The following SLC9A9 variants were observed in gnomAD, a reference collection of about 807,000 sequenced individuals.
The protein encoded by SLC9A9 is solute carrier family 9 member A9.
In SLC9A9, 62 loss-of-function variants were observed where a neutral mutation model predicts 77.8. That is an observed-to-expected ratio of 0.80 (90% CI 0.65 to 0.98). The LOEUF (loss-of-function observed/expected upper bound fraction) is 0.98. Ranked by LOEUF, SLC9A9 falls within the 50% of genes least tolerant of loss-of-function variation. The pLI is 0.00. For missense variants in SLC9A9, 775 were observed against 774.9 expected (o/e 1.00, Z 0.00); for synonymous variants, 320 against 283.5 (o/e 1.13, Z -1.29).
intron 12 of SLC9A9, among the ~76,000 whole-genome samples, chr3:143,442,762 C>T (rs182536619): frequency 3.7e-4 from 57 of 152,178 alleles, no homozygotes; most frequent in Non-Finnish European, 2.4e-4. Context: ...TGCAAGTAAG[C>T]GTTATTAGCA....
At chr3:143,737,771 G>GA (rs1934978966) in intron 4 of SLC9A9, among the ~76,000 whole-genome samples, 1 of 152,056 alleles carries the variant, frequency 6.6e-6, no homozygotes, top group Admixed American at 6.5e-5. Flanking sequence ...TGTTATGGTA[G>GA]AAAATTCAAA....
chr3:143,782,158 CAATT>C (rs933468990), intron 4 of SLC9A9, among the ~76,000 whole-genome samples: 25 of 152,188 alleles, frequency 1.6e-4, no homozygotes, highest in Admixed American at 7.9e-4. Flanking sequence ...ATGAATTATA[CAATT>C]AATTCATTTG....
At chr3:143,292,771 A>G (rs916588023) in intron 14 of SLC9A9, among the ~76,000 whole-genome samples, 1 of 152,092 alleles carries the variant, frequency 6.6e-6, no homozygotes, top group Non-Finnish European at 1.5e-5. Context: ...TGACCCTTTA[A>G]GGATCTCTTG....
intron 11 of SLC9A9, among the ~76,000 whole-genome samples, chr3:143,468,190 G>T (rs939901604): frequency 1.3e-5 from 2 of 152,194 alleles, no homozygotes; most frequent in African/African-American, 2.4e-5. Context: ...ATGCCCAGGA[G>T]TACAATCACT....
intron 13 of SLC9A9, among the ~76,000 whole-genome samples, chr3:143,365,923 TTCC>T (rs1284534974): frequency 6.6e-6 from 1 of 151,806 alleles, no homozygotes; most frequent in Non-Finnish European, 1.5e-5. Context: ...GGTTGGAACT[TTCC>T]TTTTTTCCCA....
chr3:143,477,987 C>T (rs532499080), intron 11 of SLC9A9, among the ~76,000 whole-genome samples: 11 of 152,328 alleles, frequency 7.2e-5, no homozygotes, highest in Admixed American at 1.3e-4. Flanking sequence ...CTGTGGCTTT[C>T]TCTCGCTCTA....
intron 8 of SLC9A9, among the ~76,000 whole-genome samples, chr3:143,554,947 T>TA: frequency 6.6e-6 from 1 of 152,360 alleles, no homozygotes; most frequent in Non-Finnish European, 1.5e-5. Context: ...CTACTTGCTT[T>TA]ATTTTTTTCC....
Position 143,493,716 on chromosome 3 carries a change from G to T in SLC9A9, c.1252C>A (p.Leu418Ile). The T allele has an allele frequency of 6.2e-7, 1 of 1,614,156 alleles. No individual in the cohort carries two copies. The highest frequency in any genetic ancestry group is 8.5e-7 in the Non-Finnish European group (1 of 1,179,982). ...RACNIYPLSFLLNLGRKQKIP... is the reference protein window; with the variant it reads ...RACNIYPLSFILNLGRKQKIP... ...TTCTGTTTTCGGCCTAGATTCAGGA[G>T]GAAGGAGAGGGGATATATGTTGCAG... The change falls in exon 11 of 16, where the codon CTC becomes ATC. Residue 418 changes from leucine (L) to isoleucine (I), a missense_variant. Leu to Ile is a conservative substitution (Grantham distance 5). Coordinates refer to ENST00000316549, the MANE Select transcript of SLC9A9 (RefSeq NM_173653.4).
chr3:143,694,602 T>A (rs1180717130), intron 4 of SLC9A9, among the ~76,000 whole-genome samples: 1 of 152,196 alleles, frequency 6.6e-6, no homozygotes, highest in African/African-American at 2.4e-5. Flanking sequence ...TTTCGTATTT[T>A]TAGCAAGAAA....
At chr3:143,839,157 C>G (rs111446922) in intron 1 of SLC9A9, among the ~76,000 whole-genome samples, 1 of 152,064 alleles carries the variant, frequency 6.6e-6, no homozygotes, top group Non-Finnish European at 1.5e-5. Flanking sequence ...TGTTCTCCCA[C>G]CAACCTTTTA....
chr3:143,809,389 T>C (rs1576743003), intron 2 of SLC9A9, among the ~76,000 whole-genome samples: 1 of 152,256 alleles, frequency 6.6e-6, no homozygotes, highest in Admixed American at 6.5e-5. Flanking sequence ...TTTATTTGTG[T>C]ATACAAAACA....
At chr3:143,613,460 C>T (rs1377781924) in intron 6 of SLC9A9, among the ~76,000 whole-genome samples, 1 of 152,180 alleles carries the variant, frequency 6.6e-6, no homozygotes, top group Non-Finnish European at 1.5e-5. Flanking sequence ...TTTATGACCA[C>T]AAAATCTTCC....
intron 12 of SLC9A9, among the ~76,000 whole-genome samples, chr3:143,424,058 C>T (rs1406641885): frequency 6.6e-6 from 1 of 152,026 alleles, no homozygotes; most frequent in East Asian, 1.9e-4. Flanking sequence ...TAAAGGGACA[C>T]CAGTAAATGT....
chr3:143,674,305 G>C (rs535189846), intron 5 of SLC9A9, among the ~76,000 whole-genome samples: 4 of 152,240 alleles, frequency 2.6e-5, no homozygotes, highest in African/African-American at 9.6e-5. Flanking sequence ...TTGATATCCA[G>C]GACGCTCTGA....
intron 4 of SLC9A9, among the ~76,000 whole-genome samples, chr3:143,758,909 A>C (rs1469646190): frequency 1.3e-5 from 2 of 152,138 alleles, no homozygotes; most frequent in Non-Finnish European, 2.9e-5. Context: ...ACTCAAGGTA[A>C]CTGGATATTT....
chr3:143,375,837 T>C (rs2033170883), intron 13 of SLC9A9, among the ~76,000 whole-genome samples: 1 of 152,224 alleles, frequency 6.6e-6, no homozygotes, highest in African/African-American at 2.4e-5. Context: ...TATCTCTGAC[T>C]CATAGCTTAT....
chr3:143,584,108 A>G (rs1247345116), intron 6 of SLC9A9, among the ~76,000 whole-genome samples: 8 of 152,166 alleles, frequency 5.3e-5, no homozygotes, highest in African/African-American at 1.9e-4. Flanking sequence ...CACCACAACA[A>G]TGCCCTCCCC....
At chr3:143,367,663 G>A (rs187562028) in intron 13 of SLC9A9, among the ~76,000 whole-genome samples, 2 of 152,320 alleles carry the variant, frequency 1.3e-5, no homozygotes, top group African/African-American at 4.8e-5. Context: ...CAGAGAGCCA[G>A]CCCACGGGAG....
At chr3:143,537,347 G>C (rs58337567) in intron 9 of SLC9A9, among the ~76,000 whole-genome samples, 12,119 of 152,238 alleles carry the variant, frequency 0.08, 978 homozygotes, top group African/African-American at 0.21. Flanking sequence ...AGAGGAGGGA[G>C]CTGGGTGGCA....
Sources: allele counts gnomAD v4.1 joint callset (sites outside exome capture counted in the v4.1 genomes callset), GRCh38; gene constraint gnomAD v4.1.1; transcripts MANE v1.5; gene names NCBI Gene and HGNC (gene_info 2026-07-23, HGNC 2026-07-21).